The following KCNIP1 variants were observed in gnomAD, a reference collection of about 807,000 sequenced individuals.
The protein encoded by KCNIP1 is potassium voltage-gated channel interacting protein 1, also known as A-type potassium channel modulatory protein KCNIP1.
Under a neutral mutation model 33.0 loss-of-function variants are expected in KCNIP1, and 18 were observed. That is an observed-to-expected ratio of 0.55 (90% CI 0.38 to 0.81). The LOEUF is 0.81. KCNIP1 is among the 30% of genes least tolerant of loss of function. The pLI is 0.00. For synonymous variants in KCNIP1, 93 were observed against 98.3 expected (o/e 0.95, Z 0.32); for missense variants, 238 against 271.6 (o/e 0.88, Z 0.87).
At position 170,633,089 on chromosome 5, in the gene KCNIP1, A is replaced by G. The variant is rs547372760; in HGVS notation, c.62-85669A>G. Among the ~76,000 whole-genome samples the G allele has an allele frequency of 2.8e-3, 420 of 152,212 alleles. 1 individual carries two copies. Among genetic ancestry groups the G allele is most frequent in the Non-Finnish European group, 4.4e-3 (296 of 68,012 alleles). On this transcript the variant is annotated intron_variant, in intron 1 of 7. Transcript: ENST00000328939. ...ATCCTCCTTTGAGCAGGGGGAGAGC[A>G]GAGGGAAGGGGGTTGCGAGGGTCAC...
chr5:170,521,835 C>G (rs775312974), intron 1 of KCNIP1, among the ~76,000 whole-genome samples: 1 of 152,208 alleles, frequency 6.6e-6, no homozygotes, highest in Non-Finnish European at 1.5e-5. Context: ...TAGGCTGAAA[C>G]ATAGAATTGT....
rs145353945 is a variant in KCNIP1, at chr5:170,669,497, A to C, written c.62-49261A>C. 2.2e-4 allele frequency: 215 copies of C among 983,990 alleles called. No homozygotes were observed. In the African/African-American group the frequency reaches 3.5e-3, roughly 16 times the overall value. The allele number at this position is 983,990 out of a possible 1,614,324, so 61.0% of individuals were successfully genotyped here. A position where few individuals can be genotyped will look rare whatever the true frequency, so the allele number is the denominator to read the frequency against. On this transcript the variant is annotated intron_variant, in intron 1 of 7. Transcript: ENST00000328939. ...TAATAAATATTCATTTTCTTTCCCCAGAACTACCTTAAATTAATTTGTTGA... is the reference window on the plus strand; with the variant it reads ...TAATAAATATTCATTTTCTTTCCCCCGAACTACCTTAAATTAATTTGTTGA...
At chr5:170,637,094 A>G (rs1371967658) in intron 1 of KCNIP1, among the ~76,000 whole-genome samples, 1 of 152,024 alleles carries the variant, frequency 6.6e-6, no homozygotes, top group East Asian at 1.9e-4. Context: ...GCAGCCTTCC[A>G]TCAGAAATGT....
chr5:170,455,458 G>A (rs945870847), intron 1 of KCNIP1, among the ~76,000 whole-genome samples: 9 of 152,208 alleles, frequency 5.9e-5, no homozygotes, highest in African/African-American at 2.2e-4. Context: ...ATGGGCCTCA[G>A]CTTCCCAAAG....
intron 1 of KCNIP1, among the ~76,000 whole-genome samples, chr5:170,447,758 C>T (rs767635954): frequency 1.3e-4 from 20 of 151,788 alleles, no homozygotes; most frequent in Non-Finnish European, 2.5e-4. Flanking sequence ...GTCACTTAAT[C>T]GATCCCTTTT....
chr5:170,452,822 C>T (rs1257677361), intron 1 of KCNIP1, among the ~76,000 whole-genome samples: 1 of 152,084 alleles, frequency 6.6e-6, no homozygotes, highest in Non-Finnish European at 1.5e-5. Flanking sequence ...GAGGCGACAA[C>T]AGAGGAAACA....
chr5:170,574,783 A>G (rs926702986), intron 1 of KCNIP1, among the ~76,000 whole-genome samples: 28 of 152,146 alleles, frequency 1.8e-4, no homozygotes, highest in African/African-American at 6.5e-4. Flanking sequence ...ACACACCTAC[A>G]TACTCACACT....
intron 1 of KCNIP1, among the ~76,000 whole-genome samples, chr5:170,466,836 T>C (rs937434436): frequency 1.3e-5 from 2 of 152,156 alleles, no homozygotes; most frequent in African/African-American, 4.8e-5. Flanking sequence ...TACCATCACC[T>C]TGAGGGTTAA....
intron 1 of KCNIP1, among the ~76,000 whole-genome samples, chr5:170,497,140 G>T (rs976083242): frequency 3.3e-5 from 5 of 152,152 alleles, no homozygotes; most frequent in Admixed American, 1.3e-4. Context: ...TGAACAGGAG[G>T]CACTCACTTG....
intron 1 of KCNIP1, among the ~76,000 whole-genome samples, chr5:170,391,586 G>A (rs148846266): frequency 1.7e-3 from 259 of 152,282 alleles, no homozygotes; most frequent in African/African-American, 6.0e-3. Flanking sequence ...GCATTAGTAC[G>A]GGGTGTCAGA....
At chr5:170,526,140 G>T (rs1581273779) in intron 1 of KCNIP1, among the ~76,000 whole-genome samples, 2 of 152,144 alleles carry the variant, frequency 1.3e-5, no homozygotes, top group African/African-American at 4.8e-5. Flanking sequence ...CCTCCACCTT[G>T]CACTTGTGTG....
At chr5:170,619,420 C>A (rs371405721) in intron 1 of KCNIP1, among the ~76,000 whole-genome samples, 1 of 152,094 alleles carries the variant, frequency 6.6e-6, no homozygotes, top group African/African-American at 2.4e-5. Context: ...AGATGTAAGA[C>A]CCCGAAGGAC....
intron 1 of KCNIP1, among the ~76,000 whole-genome samples, chr5:170,366,819 A>G (rs1157308233): frequency 6.6e-6 from 1 of 152,178 alleles, no homozygotes; most frequent in African/African-American, 2.4e-5. Context: ...ATTGCCACAC[A>G]GCCGATGACT....
chr5:170,658,856 C>T (rs935433985), intron 1 of KCNIP1, among the ~76,000 whole-genome samples: 6 of 152,204 alleles, frequency 3.9e-5, no homozygotes, highest in African/African-American at 7.2e-5. Flanking sequence ...ATGTTTTCCA[C>T]GATGGGTCTG....
chr5:170,558,337 A>T (rs1756912446), intron 1 of KCNIP1, among the ~76,000 whole-genome samples: 1 of 152,280 alleles, frequency 6.6e-6, no homozygotes, highest in Non-Finnish European at 1.5e-5. Context: ...CAAAAGTTCA[A>T]GACCAGCCTG....
At chr5:170,657,234 G>A (rs1233015585) in intron 1 of KCNIP1, among the ~76,000 whole-genome samples, 2 of 152,092 alleles carry the variant, frequency 1.3e-5, no homozygotes, top group Non-Finnish European at 2.9e-5. Context: ...GACCTCAGGT[G>A]ATCTGAGCAC....
At chr5:170,367,988 A>T (rs1486915210) in intron 1 of KCNIP1, among the ~76,000 whole-genome samples, 1 of 152,362 alleles carries the variant, frequency 6.6e-6, no homozygotes, top group East Asian at 1.9e-4. Flanking sequence ...AATGGAAAAA[A>T]TTGTGTATTA....
intron 1 of KCNIP1, among the ~76,000 whole-genome samples, chr5:170,636,030 T>A (rs1417205278): frequency 6.6e-6 from 1 of 152,226 alleles, no homozygotes; most frequent in Non-Finnish European, 1.5e-5. Context: ...GTGACTCCGA[T>A]GTGACATTTT....
chr5:170,715,398 TGA>T (rs1763612763), intron 1 of KCNIP1, among the ~76,000 whole-genome samples: 1 of 152,166 alleles, frequency 6.6e-6, no homozygotes, highest in Non-Finnish European at 1.5e-5. Context: ...TTTTTTTTCC[TGA>T]GAGAGTCTAA....
Sources: gnomAD v4.1 joint callset for allele counts (sites outside exome capture counted in the v4.1 genomes callset) on GRCh38, gnomAD v4.1.1 for gene constraint, MANE v1.5 for transcripts, NCBI Gene and HGNC (gene_info 2026-07-23, HGNC 2026-07-21) for gene names.